The following ATP6V0D1 variants were observed in gnomAD, a reference collection of about 807,000 sequenced individuals.
The protein encoded by ATP6V0D1 is V-type proton ATPase subunit d 1.
In ATP6V0D1, 13 loss-of-function variants were observed where a neutral mutation model predicts 39.0. That is an observed-to-expected ratio of 0.33 (90% CI 0.22 to 0.53). The LOEUF (loss-of-function observed/expected upper bound fraction) is 0.53. ATP6V0D1 is among the 20% of genes least tolerant of loss of function. ATP6V0D1 has a pLI of 0.94. For missense variants in ATP6V0D1, 272 were observed against 470.9 expected (o/e 0.58, Z 3.91); for synonymous variants, 191 against 191.2 (o/e 1.00, Z 0.01).
intron 1 of ATP6V0D1, among the ~76,000 whole-genome samples, chr16:67,461,565 G>A (rs562323016): frequency 6.6e-6 from 1 of 152,322 alleles, no homozygotes; most frequent in East Asian, 1.9e-4. Flanking sequence ...GAAGAACCTG[G>A]AGTCTCCTGC....
At chr16:67,470,318 G>A (rs2041362558) in intron 1 of ATP6V0D1, among the ~76,000 whole-genome samples, 1 of 151,954 alleles carries the variant, frequency 6.6e-6, no homozygotes, top group South Asian at 2.1e-4. Flanking sequence ...CAACTTTTTG[G>A]AATTAAAAAA....
chr16:67,462,616 G>A (rs908923575), intron 1 of ATP6V0D1, among the ~76,000 whole-genome samples: 1 of 152,134 alleles, frequency 6.6e-6, no homozygotes, highest in Admixed American at 6.5e-5. Context: ...CTTGACCCCA[G>A]GGAGTTTGAG....
intron 1 of ATP6V0D1, among the ~76,000 whole-genome samples, chr16:67,464,696 A>G (rs1305993021): frequency 6.6e-6 from 1 of 152,114 alleles, no homozygotes; most frequent in Non-Finnish European, 1.5e-5. Context: ...GTTTCAGATG[A>G]CTCCTCAGAG....
chr16:67,450,023 T>C (rs1162698491), intron 2 of ATP6V0D1, among the ~76,000 whole-genome samples: 7 of 152,182 alleles, frequency 4.6e-5, no homozygotes, highest in Non-Finnish European at 1.0e-4. Flanking sequence ...ACCTCTGTAA[T>C]GGTCCCAACC....
intron 2 of ATP6V0D1, among the ~76,000 whole-genome samples, chr16:67,451,510 A>G (rs1360729718): frequency 1.3e-5 from 2 of 152,194 alleles, no homozygotes; most frequent in Non-Finnish European, 2.9e-5. Flanking sequence ...GGGGTGGAGC[A>G]GTTCCAGGTG....
chr16:67,452,288 G>T, intron 2 of ATP6V0D1: 1 of 1,535,712 alleles, frequency 6.5e-7, no homozygotes, highest in South Asian at 1.2e-5. Context: ...GAGGCCTGTG[G>T]CCAGGAGAGG....
intron 4 of ATP6V0D1, 134 bp from the exon 5 acceptor site, chr16:67,439,485 C>T (rs2041021661): frequency 1.3e-6 from 1 of 792,474 alleles, no homozygotes; most frequent in Non-Finnish European, 2.1e-6. Context: ...ATGGATGGGC[C>T]GGGGCAGCCC....
At chr16:67,458,273 G>A (rs1051530628) in intron 1 of ATP6V0D1, among the ~76,000 whole-genome samples, 1 of 152,242 alleles carries the variant, frequency 6.6e-6, no homozygotes, top group Non-Finnish European at 1.5e-5. Context: ...GGGATGCGGA[G>A]GAGGGGATGT....
intron 1 of ATP6V0D1, among the ~76,000 whole-genome samples, chr16:67,467,847 C>T (rs1567541675): frequency 6.6e-6 from 1 of 152,166 alleles, no homozygotes; most frequent in Non-Finnish European, 1.5e-5. Flanking sequence ...TGCAGTGTGT[C>T]TGATCACTGA....
intron 1 of ATP6V0D1, among the ~76,000 whole-genome samples, chr16:67,459,442 C>G (rs990263567): frequency 1.3e-5 from 2 of 152,224 alleles, no homozygotes. Flanking sequence ...GGCATGGCTG[C>G]CCCTCTCAGG....
intron 2 of ATP6V0D1, among the ~76,000 whole-genome samples, chr16:67,448,404 T>C (rs1455091626): frequency 4.0e-5 from 6 of 151,586 alleles, no homozygotes; most frequent in South Asian, 2.1e-4. Flanking sequence ...TCATGCCTGT[T>C]ATCCCAGCAC....
chr16:67,479,266 T>G (rs932180831), intron 1 of ATP6V0D1, among the ~76,000 whole-genome samples: 3 of 149,978 alleles, frequency 2.0e-5, no homozygotes, highest in Non-Finnish European at 4.4e-5. Context: ...CAGGCTGGAG[T>G]GCAGTGGTGC....
Position 67,470,974 on chromosome 16 carries a change from G to A in ATP6V0D1, c.130+9983C>T, listed in dbSNP as rs551861628. The stretch of plus-strand genomic sequence containing the variant: ...TGGTTAGTCCATATTCTCCTACCTA[G>A]AGAGCTGCAAGAGCAGCTAGCAAGT... On this transcript the variant is annotated intron_variant, in intron 1 of 7. Transcript: ENST00000290949. Among the ~76,000 whole-genome samples, 54 of 152,216 alleles carry A rather than the reference G, an allele frequency of 3.5e-4. 1 individual carries two copies. The highest frequency in any genetic ancestry group is 1.3e-3 in the African/African-American group (52 of 41,538).
intron 4 of ATP6V0D1, 129 bp downstream of exon 4, chr16:67,442,970 A>T: frequency 1.0e-6 from 1 of 962,234 alleles, no homozygotes; most frequent in African/African-American, 1.6e-5. Flanking sequence ...AATAAGCAGT[A>T]AGTCCCTGGG....
In ATP6V0D1 at chr16:67,453,510, G is replaced by A. The variant is rs759220129; in HGVS notation, c.302+34C>T. 2 of 1,610,258 alleles carry A rather than the reference G, an allele frequency of 1.2e-6. No individual in the cohort carries two copies. The highest frequency in any genetic ancestry group is 2.7e-5 in the African/African-American group (2 of 74,878). ...CCTGCAGGTGTAGCTATCCTGCCCA[G>A]GTAAGAGAAGAAGGCGCTACAAAGC... On this transcript the variant is annotated intron_variant, in intron 2 of 7. Transcript: ENST00000290949. This position sits in a 1 kb window ranked among gnomAD's most constrained non-coding sequence, Gnocchi z 4.1.
chr16:67,466,252 G>GGGCAGAT (rs1185820437), intron 1 of ATP6V0D1, among the ~76,000 whole-genome samples: 1 of 145,778 alleles, frequency 6.9e-6, no homozygotes, highest in Non-Finnish European at 1.5e-5. Context: ...AGGCCAAGAT[G>GGGCAGAT]GGCAGATCAC....
chr16:67,467,059 G>C lies in ATP6V0D1; in HGVS notation c.131-13344C>G, dbSNP rs143798821. 1.1e-3 allele frequency among the ~76,000 whole-genome samples: 164 copies of C among 152,026 alleles called. 1 individual carries two copies. The Middle Eastern group carries it at 0.014, about 13-fold the overall frequency. On this transcript the variant is annotated intron_variant, in intron 1 of 7. Coordinates refer to ENST00000290949, the MANE Select transcript of ATP6V0D1 (RefSeq NM_004691.5). ...CTTTATCTAAGTCTCAACTCCTTTTGTCTCTACTGCCTAGTATGTGTCTAA... is the reference window on the plus strand; with the variant it reads ...CTTTATCTAAGTCTCAACTCCTTTTCTCTCTACTGCCTAGTATGTGTCTAA...
intron 1 of ATP6V0D1, among the ~76,000 whole-genome samples, chr16:67,479,029 C>G (rs916848256): frequency 4.6e-5 from 7 of 152,260 alleles, no homozygotes; most frequent in Admixed American, 4.6e-4. Context: ...CAGGCCCTGT[C>G]CCAGGCAGCC....
intron 1 of ATP6V0D1, chr16:67,457,720 G>T (rs2041252116): frequency 1.8e-6 from 2 of 1,120,688 alleles, no homozygotes; most frequent in Non-Finnish European, 2.4e-6. Flanking sequence ...TCTTCTGCAG[G>T]CCCCCCACTC....
Sources: allele counts gnomAD v4.1 joint callset (sites outside exome capture counted in the v4.1 genomes callset), GRCh38; gene constraint gnomAD v4.1.1; non-coding constraint Gnocchi (gnomAD v3.1); transcripts MANE v1.5; gene names NCBI Gene and HGNC (gene_info 2026-07-23, HGNC 2026-07-21).